GALNT2: variants seen among roughly 807,000 people sequenced by gnomAD.
GALNT2 encodes UDP-GalNAc:polypeptide N-acetylgalactosaminyltransferase 2.
GALNT2 carries 31 observed loss-of-function variants against 81.4 expected under a neutral mutation model. The observed-to-expected ratio is 0.38, with a 90% CI of 0.29 to 0.51. The LOEUF (loss-of-function observed/expected upper bound fraction) is 0.51, where lower values mean the gene tolerates loss of function less well. GALNT2 is among the 20% of genes least tolerant of loss of function. The probability of loss-of-function intolerance (pLI) is 0.87; values close to 1 mark genes in which losing one functional copy is unlikely to be tolerated. For synonymous variants in GALNT2, 303 were observed against 287.4 expected, an observed-to-expected ratio of 1.05 and a Z score of -0.55; for missense variants, 629 against 765.7, an observed-to-expected ratio of 0.82 and a Z score of 2.11.
At chr1:230,274,320 T>G in intron 14 of GALNT2, 125 bp from the exon 15 acceptor site, 1 of 1,300,484 alleles carries the variant, frequency 7.7e-7, no homozygotes, top group Non-Finnish European at 1.1e-6. Flanking sequence ...CTCAGTTGGC[T>G]CAGGGGTTCT....
chr1:230,244,731 T>C (rs1353288149), intron 7 of GALNT2, among the ~76,000 whole-genome samples: 1 of 152,228 alleles, frequency 6.6e-6, no homozygotes, highest in Admixed American at 6.5e-5. Flanking sequence ...CTTTAACTCA[T>C]ACACCTAGAA....
intron 11 of GALNT2, 176 bp from the exon 12 acceptor site, chr1:230,262,397 T>A (rs1665903469): frequency 3.4e-6 from 2 of 589,938 alleles, no homozygotes; most frequent in Non-Finnish European, 6.0e-6. Flanking sequence ...TCCCCACAGG[T>A]CCAGCTCGAG....
intron 1 of GALNT2, among the ~76,000 whole-genome samples, chr1:230,068,082 G>C (rs1196918107): frequency 1.3e-5 from 2 of 152,214 alleles, no homozygotes; most frequent in Non-Finnish European, 2.9e-5. Flanking sequence ...CCCGGCCCCC[G>C]GCCCTCCCGC....
At chr1:230,221,726 A>G (rs1252348127) in intron 3 of GALNT2, among the ~76,000 whole-genome samples, 1 of 152,160 alleles carries the variant, frequency 6.6e-6, no homozygotes, top group African/African-American at 2.4e-5. Flanking sequence ...TTTTCATTAC[A>G]GTAATCCTTT....
At chr1:230,175,545 TCCCCTCCC>T (rs1662942368) in intron 1 of GALNT2, among the ~76,000 whole-genome samples, 1 of 146,058 alleles carries the variant, frequency 6.8e-6, no homozygotes, top group Non-Finnish European at 1.5e-5. Flanking sequence ...TTCATTGTCC[TCCCCTCCC>T]CCTCCTTCCC....
Position 230,245,150 on chromosome 1 carries a change from G to T in GALNT2, c.730-913G>T, listed in dbSNP as rs149554546. Among the ~76,000 whole-genome samples the T allele has an allele frequency of 3.9e-3, 584 of 148,844 alleles. 7 individuals carry two copies. The highest frequency in any genetic ancestry group is 0.015 in the African/African-American group (565 of 38,660). ...TGGCATAAAGACATGGCTCAATCTA[G>T]GGGGATTTTTTTTTTTTAATAGAAT... is the stretch of plus-strand genomic sequence containing the variant. On this transcript the variant is annotated intron_variant, in intron 7 of 15. Coordinates refer to ENST00000366672, the MANE Select transcript of GALNT2 (RefSeq NM_004481.5).
intron 3 of GALNT2, among the ~76,000 whole-genome samples, chr1:230,228,566 A>G (rs1664782275): frequency 6.6e-6 from 1 of 152,170 alleles, no homozygotes; most frequent in South Asian, 2.1e-4. Context: ...CACAGAAAAA[A>G]AAAGAGATTA....
At position 230,275,363 on chromosome 1, in the gene GALNT2, A is replaced by G. The variant is rs1401468955; in HGVS notation, c.1560+799A>G. Reference sequence around the variant, plus strand: ...GTATACATATATATACATGCCACATATACATCTATAAACACCACATGTATA... The same window carrying G: ...GTATACATATATATACATGCCACATGTACATCTATAAACACCACATGTATA... On this transcript the variant is annotated intron_variant, in intron 15 of 15. Coordinates refer to ENST00000366672, the MANE Select transcript of GALNT2 (RefSeq NM_004481.5). This position sits in a 1 kb window ranked among gnomAD's most constrained non-coding sequence, Gnocchi z 5.5. 6.6e-6 allele frequency among the ~76,000 whole-genome samples: 1 copy of G among 151,464 alleles called. No individual in the cohort carries two copies. Among genetic ancestry groups the G allele is most frequent in the Non-Finnish European group, 1.5e-5 (1 of 67,790 alleles).
intron 3 of GALNT2, among the ~76,000 whole-genome samples, 163 bp from the exon 4 acceptor site, chr1:230,235,851 C>G (rs542894753): frequency 6.6e-6 from 1 of 152,104 alleles, no homozygotes; most frequent in Non-Finnish European, 1.5e-5. Flanking sequence ...CCTTATGTCC[C>G]GTTGGCAGTT....
chr1:230,159,776 G>A (rs1361320538), intron 1 of GALNT2, among the ~76,000 whole-genome samples: 2 of 152,234 alleles, frequency 1.3e-5, no homozygotes, highest in African/African-American at 2.4e-5. Flanking sequence ...CCCCCCACCT[G>A]CAGGCTGGCT....
intron 1 of GALNT2, among the ~76,000 whole-genome samples, chr1:230,093,488 C>G (rs1315419610): frequency 1.3e-5 from 2 of 152,196 alleles, no homozygotes; most frequent in Non-Finnish European, 2.9e-5. Context: ...AAGGGTAAAA[C>G]TAGATCGGCT....
intron 3 of GALNT2, among the ~76,000 whole-genome samples, chr1:230,230,542 A>G (rs1055922113): frequency 3.3e-5 from 5 of 152,184 alleles, no homozygotes; most frequent in African/African-American, 1.2e-4. Flanking sequence ...TCCAGTCCTA[A>G]TCAGAACACA....
At chr1:230,258,454 A>C (rs531858236) in intron 11 of GALNT2, among the ~76,000 whole-genome samples, 1 of 150,968 alleles carries the variant, frequency 6.6e-6, no homozygotes, top group Non-Finnish European at 1.5e-5. Context: ...TGAACTCCTG[A>C]CCTCAAGTGA....
chr1:230,190,726 A>G (rs925374827), intron 2 of GALNT2, among the ~76,000 whole-genome samples: 10 of 152,094 alleles, frequency 6.6e-5, no homozygotes, highest in African/African-American at 2.4e-4. Flanking sequence ...CAAATACAGC[A>G]CTGTGGTGTA....
At chr1:230,244,719 T>C (rs2102743124) in intron 7 of GALNT2, among the ~76,000 whole-genome samples, 1 of 152,310 alleles carries the variant, frequency 6.6e-6, no homozygotes, top group Middle Eastern at 3.4e-3. Flanking sequence ...GTAGATTATA[T>C]CCTTTAACTC....
chr1:230,087,499 C>A (rs1252202686), intron 1 of GALNT2, among the ~76,000 whole-genome samples: 1 of 152,180 alleles, frequency 6.6e-6, no homozygotes, highest in African/African-American at 2.4e-5. Flanking sequence ...TGTTAACCAG[C>A]GGTTTTCAAT....
At chr1:230,061,017 G>C (rs1027567843) in intron 1 of GALNT2, among the ~76,000 whole-genome samples, 1 of 151,968 alleles carries the variant, frequency 6.6e-6, no homozygotes, top group Non-Finnish European at 1.5e-5. Context: ...CCCAGTCCTG[G>C]AATCAATAAT....
At chr1:230,262,486 T>G (rs999656872) in intron 11 of GALNT2, 87 bp from the exon 12 acceptor site, 4 of 1,164,178 alleles carry the variant, frequency 3.4e-6, no homozygotes, top group Non-Finnish European at 3.8e-6. Context: ...GGGAGCCGCC[T>G]CAGTCACACG....
intron 3 of GALNT2, among the ~76,000 whole-genome samples, chr1:230,232,486 C>T (rs1438556209): frequency 6.6e-6 from 1 of 152,086 alleles, no homozygotes; most frequent in African/African-American, 2.4e-5. Context: ...GGATCGGTTC[C>T]GTTTACTATG....
Sources: allele counts gnomAD v4.1 joint callset (sites outside exome capture counted in the v4.1 genomes callset), GRCh38; gene constraint gnomAD v4.1.1; non-coding constraint Gnocchi (gnomAD v3.1); transcripts MANE v1.5; gene names NCBI Gene and HGNC (gene_info 2026-07-23, HGNC 2026-07-21).